Variants in COX7A2L observed in about 807,000 individuals in gnomAD.
COX7A2L encodes cytochrome c oxidase subunit 7A2-like, mitochondrial.
In COX7A2L, 18 loss-of-function variants were observed where a neutral mutation model predicts 14.2. The observed-to-expected ratio is 1.27, with a 90% confidence interval of 0.88 to 1.88. The LOEUF is 1.88. Among genes scored for constraint, COX7A2L ranks in the 40% most tolerant of loss-of-function variants. The probability of loss-of-function intolerance (pLI) is 0.00; values close to 1 mark genes in which losing one functional copy is unlikely to be tolerated. For missense variants in COX7A2L, 179 were observed against 138.8 expected, an observed-to-expected ratio of 1.29 and a Z score of -1.46; for synonymous variants, 65 against 57.4, an observed-to-expected ratio of 1.13 and a Z score of -0.60.
upstream of COX7A2L, among the ~76,000 whole-genome samples, chr2:42,365,235 C>A (rs1479814689): frequency 1.3e-5 from 2 of 152,178 alleles, no homozygotes; most frequent in Non-Finnish European, 2.9e-5. Context: ...GGTTTCTCAT[C>A]ATTGAGGATT....
intron 1 of COX7A2L, chr2:42,360,849 C>A (rs991477369): frequency 1.8e-6 from 1 of 568,840 alleles, no homozygotes; most frequent in East Asian, 3.1e-5. Context: ...CACCTTGACC[C>A]CTGCAGTGAG....
rs1193718765 is a variant in COX7A2L, at chr2:42,339,994, AC to A, written c.193-6126del. 2.6e-5 allele frequency among the ~76,000 whole-genome samples: 4 copies of A among 152,098 alleles called. No individual in the cohort carries two copies. Among genetic ancestry groups the A allele is most frequent in the Non-Finnish European group, 5.9e-5 (4 of 68,014 alleles). The stretch of plus-strand genomic sequence containing the variant: ...TCCTCACTCCCACACGACCCTCTGA[AC>A]AATGTCGCAGACACCCCTGGTTTCT... On this transcript the variant is annotated intron_variant, in intron 2 of 2. Coordinates refer to the COX7A2L transcript ENST00000468711. This position sits in a 1 kb window ranked among gnomAD's most constrained non-coding sequence, Gnocchi z 5.4.
At chr2:42,335,871 G>C (rs1670260161) in intron 2 of COX7A2L, among the ~76,000 whole-genome samples, 1 of 152,338 alleles carries the variant, frequency 6.6e-6, no homozygotes. Context: ...AGAGGTGAAG[G>C]GGGGATTATG....
rs1419985763 is a variant in COX7A2L, at chr2:42,342,403, G to T, written c.193-8534C>A. On this transcript the variant is annotated intron_variant, in intron 2 of 2. Coordinates refer to the COX7A2L transcript ENST00000468711. The surrounding 1 kb of genome is among the most constrained non-coding windows in gnomAD (Gnocchi z 4.9). ...ACCCACTTATTCCTTGGCCCTTCAG[G>T]CAGGCACCAGGTACGGCCCACACAG... Among the ~76,000 whole-genome samples the T allele has an allele frequency of 6.6e-6, 1 of 151,994 alleles. No homozygotes were observed. Among genetic ancestry groups the T allele is most frequent in the Non-Finnish European group, 1.5e-5 (1 of 67,996 alleles).
chr2:42,364,919 G>T (rs1671131449), upstream of COX7A2L, among the ~76,000 whole-genome samples: 1 of 152,124 alleles, frequency 6.6e-6, no homozygotes, highest in Non-Finnish European at 1.5e-5. Flanking sequence ...GTGTGAAACT[G>T]CCTCACTTTT....
At chr2:42,356,859 G>A (rs1468313389) in intron 1 of COX7A2L, among the ~76,000 whole-genome samples, 2 of 152,210 alleles carry the variant, frequency 1.3e-5, no homozygotes, top group African/African-American at 4.8e-5. Context: ...CCAGGCGGTC[G>A]AGGCTGTAGT....
chr2:42,354,542 C>A (rs1294762584), intron 1 of COX7A2L, among the ~76,000 whole-genome samples: 7 of 152,104 alleles, frequency 4.6e-5, no homozygotes. Context: ...ATTCTTGTCT[C>A]AAAGAAATCT....
chr2:42,366,305 T>A (rs1253702622), intron 1 of COX7A2L, among the ~76,000 whole-genome samples: 2 of 152,152 alleles, frequency 1.3e-5, no homozygotes, highest in Non-Finnish European at 2.9e-5. Flanking sequence ...ACACCTGTAG[T>A]CCCAGCTACT....
chr2:42,339,540 C>G lies in COX7A2L; in HGVS notation c.193-5671G>C, dbSNP rs2103873177. 6.6e-6 allele frequency among the ~76,000 whole-genome samples: 1 copy of G among 152,332 alleles called. No individual in the cohort carries two copies. The highest frequency in any genetic ancestry group is 2.4e-5 in the African/African-American group (1 of 41,574). On this transcript the variant is annotated intron_variant, in intron 2 of 2. Coordinates refer to the COX7A2L transcript ENST00000468711. This position sits in a 1 kb window ranked among gnomAD's most constrained non-coding sequence, Gnocchi z 5.4. ...CTTGAAACCCCCTCCTCTCCTGCCA[C>G]CATTCCTCCTGGTTTCTTTCTTCCC...
chr2:42,360,947 G>A, intron 1 of COX7A2L, 143 bp downstream of exon 1: 1 of 802,158 alleles, frequency 1.2e-6, no homozygotes, highest in South Asian at 1.5e-5. Flanking sequence ...CGCTGGTGTG[G>A]AGAGGCCCCG....
At position 42,350,454 on chromosome 2, in the gene COX7A2L, G is replaced by A. The variant is rs1203927731; in HGVS notation, c.*765C>T. On this transcript the variant is annotated 3_prime_UTR_variant, in exon 3 of 3. Transcript: ENST00000234301. ...GACTCAGGTTTAAGATGCTGCTGGT[G>A]TTCTGAAATTACTCTGAAAGGTCAT... 6.6e-6 allele frequency: 1 copy of A among 152,188 alleles called. No homozygotes were observed. Among genetic ancestry groups the A allele is most frequent in the Non-Finnish European group, 1.5e-5 (1 of 68,038 alleles). The allele number at this position is 152,188 out of a possible 1,614,324, so 9.4% of individuals were successfully genotyped here. A position where few individuals can be genotyped will look rare whatever the true frequency, so the allele number is the denominator to read the frequency against.
In COX7A2L at chr2:42,337,481, A is replaced by G. The variant is rs575426689; in HGVS notation, c.193-3612T>C. Among the ~76,000 whole-genome samples, 18 of 152,178 alleles carry G rather than the reference A, an allele frequency of 1.2e-4. No individual in the cohort carries two copies. In the South Asian group the frequency reaches 3.7e-3, roughly 32 times the overall value. On this transcript the variant is annotated intron_variant, in intron 2 of 2. Transcript: ENST00000468711. ...AATGGAAGGGAGGGGAGGCAACTAC[A>G]AAGGGGTGGCACAAGGGGATTCCTC...
intron 2 of COX7A2L, among the ~76,000 whole-genome samples, chr2:42,340,558 G>C (rs571203175): frequency 8.3e-4 from 127 of 152,134 alleles, no homozygotes; most frequent in Middle Eastern, 3.4e-3. Context: ...GCTCCGTAAC[G>C]CCTGAGCCTC....
downstream of COX7A2L, among the ~76,000 whole-genome samples, chr2:42,345,282 C>A (rs1250709047): frequency 2.6e-5 from 4 of 152,068 alleles, no homozygotes; most frequent in Non-Finnish European, 5.9e-5. Context: ...ACTCAGGAGG[C>A]TGAGGCAGGA....
intron 1 of COX7A2L, among the ~76,000 whole-genome samples, chr2:42,355,057 G>A (rs1016568837): frequency 2.0e-5 from 3 of 152,176 alleles, no homozygotes; most frequent in Non-Finnish European, 4.4e-5. Context: ...CAAGTCCAGA[G>A]CCCTGGCTTT....
chr2:42,359,178 C>G (rs905145867), intron 1 of COX7A2L: 2 of 152,184 alleles, frequency 1.3e-5, no homozygotes, highest in Admixed American at 6.5e-5. Context: ...GAGGCAAAAG[C>G]AGGACGATTA....
At chr2:42,347,876 G>A (rs1425810248), downstream of COX7A2L, among the ~76,000 whole-genome samples, 1 of 152,128 alleles carries the variant, frequency 6.6e-6, no homozygotes, top group Non-Finnish European at 1.5e-5. Flanking sequence ...AGCCGAGATG[G>A]CGCCATTGCA....
downstream of COX7A2L, among the ~76,000 whole-genome samples, chr2:42,347,647 C>T (rs563737058): frequency 1.5e-4 from 23 of 152,284 alleles, no homozygotes; most frequent in Admixed American, 7.2e-4. Context: ...GTTGGCCGGG[C>T]GTGGTGGCTC....
At chr2:42,362,091 C>T (rs769839892), upstream of COX7A2L, among the ~76,000 whole-genome samples, 5 of 152,152 alleles carry the variant, frequency 3.3e-5, no homozygotes, top group Admixed American at 6.5e-5. Context: ...CTTTTCCTGG[C>T]CTCTGCTCTT....
Sources: allele counts gnomAD v4.1 joint callset (sites outside exome capture counted in the v4.1 genomes callset), GRCh38; gene constraint gnomAD v4.1.1; non-coding constraint Gnocchi (gnomAD v3.1); transcripts MANE v1.5; gene names NCBI Gene and HGNC (gene_info 2026-07-23, HGNC 2026-07-21).